Variants in RBM20 observed in about 807,000 individuals in gnomAD.
The protein encoded by RBM20 is RNA binding motif protein 20.
In RBM20, 51 loss-of-function variants were observed where a neutral mutation model predicts 110.1. The ratio of observed to expected loss-of-function variants is 0.46; its 90% CI spans 0.37 to 0.59. The LOEUF is 0.59. Among genes scored for constraint, RBM20 ranks in the 20% least tolerant of loss-of-function variants. The pLI, the probability that RBM20 is intolerant of heterozygous loss-of-function variation, is 0.00. For missense variants in RBM20, 1,512 were observed against 1,574.9 expected (o/e 0.96, Z 0.68); for synonymous variants, 589 against 618.2 (o/e 0.95, Z 0.70).
At chr10:110,813,144 T>C (rs1417809055) in intron 9 of RBM20, among the ~76,000 whole-genome samples, 197 bp downstream of exon 9, 12 of 152,220 alleles carry the variant, frequency 7.9e-5, no homozygotes. Context: ...ACCTTTGAGC[T>C]TGGTACTATT....
chr10:110,791,953 C>G (rs185539472), intron 5 of RBM20, among the ~76,000 whole-genome samples: 9 of 152,324 alleles, frequency 5.9e-5, no homozygotes, highest in Non-Finnish European at 1.2e-4. Flanking sequence ...AACACCTTGA[C>G]CTGCCCTTCT....
intron 1 of RBM20, among the ~76,000 whole-genome samples, chr10:110,723,616 T>A (rs921205229): frequency 6.6e-6 from 1 of 152,248 alleles, no homozygotes; most frequent in African/African-American, 2.4e-5. Flanking sequence ...TTTCAGCCAT[T>A]CTAGTGGATA....
At chr10:110,769,825 C>T (rs1844161671) in intron 1 of RBM20, among the ~76,000 whole-genome samples, 2 of 151,874 alleles carry the variant, frequency 1.3e-5, no homozygotes, top group East Asian at 1.9e-4. Flanking sequence ...CTCAAGTGAT[C>T]GTCCCACCTG....
intron 1 of RBM20, among the ~76,000 whole-genome samples, chr10:110,736,058 T>C (rs1843667485): frequency 1.3e-5 from 2 of 152,172 alleles, no homozygotes; most frequent in South Asian, 4.1e-4. Flanking sequence ...CACAAGTGCA[T>C]TTGCCCAGAA....
Position 110,802,131 on chromosome 10 carries a change from G to T in RBM20, c.1800+2213G>T, listed in dbSNP as rs528239578. 4.6e-5 allele frequency among the ~76,000 whole-genome samples: 7 copies of T among 152,242 alleles called. No homozygotes were observed. In the South Asian group the frequency reaches 1.2e-3, roughly 27 times the overall value. On this transcript the variant is annotated intron_variant, in intron 7 of 13. Coordinates refer to ENST00000369519, the MANE Select transcript of RBM20 (RefSeq NM_001134363.3). ...TGTTCCATTTAATAGGGATTTTCCCGTTCACTTTAGCTCATTCCACATTGA... is the reference window on the plus strand; with the variant it reads ...TGTTCCATTTAATAGGGATTTTCCCTTTCACTTTAGCTCATTCCACATTGA...
At chr10:110,737,177 C>T (rs1471460915) in intron 1 of RBM20, among the ~76,000 whole-genome samples, 1 of 26,620 alleles carries the variant, frequency 3.8e-5, no homozygotes, top group African/African-American at 1.8e-4. Context: ...AACTCTGCCT[C>T]AAAAAAAAAA....
chr10:110,673,162 G>T (rs776683190), intron 1 of RBM20, among the ~76,000 whole-genome samples: 28 of 151,888 alleles, frequency 1.8e-4, no homozygotes, highest in Middle Eastern at 3.2e-3. Flanking sequence ...TGTTTTTAAG[G>T]TTCTTGATAC....
chr10:110,652,380 T>G (rs934891496), intron 1 of RBM20, among the ~76,000 whole-genome samples: 1 of 152,228 alleles, frequency 6.6e-6, no homozygotes, highest in East Asian at 1.9e-4. Context: ...TTTTCTTCCT[T>G]TTTAATATGG....
chr10:110,710,033 G>A (rs184567620), intron 1 of RBM20, among the ~76,000 whole-genome samples: 4 of 152,222 alleles, frequency 2.6e-5, no homozygotes, highest in African/African-American at 9.6e-5. Flanking sequence ...TCACATCAGC[G>A]TTCTGTTTTA....
At chr10:110,728,022 G>A (rs1412654207) in intron 1 of RBM20, among the ~76,000 whole-genome samples, 2 of 152,216 alleles carry the variant, frequency 1.3e-5, no homozygotes, top group Admixed American at 1.3e-4. Flanking sequence ...CGGTATATAT[G>A]TGCAACATTT....
intron 1 of RBM20, among the ~76,000 whole-genome samples, chr10:110,658,806 C>A (rs901209185): frequency 6.6e-6 from 1 of 152,092 alleles, no homozygotes; most frequent in Non-Finnish European, 1.5e-5. Context: ...CTTGGCTGCC[C>A]TCTTTCCCTC....
chr10:110,786,126 A>G (rs778157518), intron 5 of RBM20, among the ~76,000 whole-genome samples: 1 of 152,004 alleles, frequency 6.6e-6, no homozygotes, highest in Non-Finnish European at 1.5e-5. Context: ...ACCACCCTAC[A>G]CCCCCATCTG....
chr10:110,815,729 G>C (rs1294611744), intron 9 of RBM20, among the ~76,000 whole-genome samples: 2 of 152,148 alleles, frequency 1.3e-5, no homozygotes, highest in South Asian at 2.1e-4. Context: ...TCATCGGTTT[G>C]TATAACATTG....
chr10:110,781,274 C>T lies in RBM20; in HGVS notation c.665C>T (p.Ala222Val), dbSNP rs2135042487. The change falls in exon 2 of 14, where the codon GCT (alanine) becomes GTT (valine). Residue 222 changes from alanine to valine, a missense_variant. Physicochemically the swap from Ala to Val is moderately conservative, Grantham distance 64 (BLOSUM62 0). This residue lies in a region of RBM20 where 1,149 missense variants were observed against 1,169.4 expected (regional missense o/e 0.98). Coordinates refer to ENST00000369519, the MANE Select transcript of RBM20 (RefSeq NM_001134363.3). ...TTGGGCATTGGCAAGACTGGGCCTG[C>T]TCCAGCTACAGCAGGATTCTATGAG... ...VILGIGKTGPAPATAGFYEYG... is the reference protein window; with the variant it reads ...VILGIGKTGPVPATAGFYEYG... The T allele has an allele frequency of 1.3e-6, 2 of 1,551,704 alleles. No individual in the cohort carries two copies.
intron 1 of RBM20, among the ~76,000 whole-genome samples, chr10:110,727,297 C>T (rs1175755824): frequency 6.7e-6 from 1 of 149,530 alleles, no homozygotes. Context: ...CTGATTCACG[C>T]ACGGTTTATT....
chr10:110,816,942 T>C (rs1844847745), intron 9 of RBM20, among the ~76,000 whole-genome samples: 1 of 152,226 alleles, frequency 6.6e-6, no homozygotes, highest in South Asian at 2.1e-4. Context: ...GTTTCTGTGG[T>C]TGAGAAGCCA....
At chr10:110,794,160 A>G (rs1249838316) in intron 5 of RBM20, among the ~76,000 whole-genome samples, 1 of 152,198 alleles carries the variant, frequency 6.6e-6, no homozygotes, top group Non-Finnish European at 1.5e-5. Context: ...TAGGGCAAAT[A>G]ATAGCCATGT....
intron 7 of RBM20, among the ~76,000 whole-genome samples, chr10:110,802,688 G>T (rs1016266885): frequency 1.3e-5 from 2 of 152,370 alleles, no homozygotes; most frequent in South Asian, 2.1e-4. Context: ...AGGTCAGATG[G>T]TCGAGTTTTG....
intron 1 of RBM20, among the ~76,000 whole-genome samples, chr10:110,745,857 G>A (rs1160518884): frequency 7.9e-5 from 12 of 152,198 alleles, no homozygotes; most frequent in Admixed American, 6.5e-4. Context: ...AGCGATGTAT[G>A]CCCTGCCTAG....
Sources: gnomAD v4.1 joint callset for allele counts (sites outside exome capture counted in the v4.1 genomes callset) on GRCh38, gnomAD v4.1.1 for gene constraint, gnomAD v4.1.1 regional missense constraint, MANE v1.5 for transcripts, NCBI Gene and HGNC (gene_info 2026-07-23, HGNC 2026-07-21) for gene names.